Variants in LRRC7 observed in about 807,000 individuals in gnomAD.
The protein encoded by LRRC7 is leucine-rich repeat-containing protein 7.
Under a neutral mutation model 175.7 loss-of-function variants are expected in LRRC7, and 23 were observed. That is an observed-to-expected ratio of 0.13 (90% CI 0.09 to 0.19). The LOEUF (loss-of-function observed/expected upper bound fraction) is 0.19, where lower values mean the gene tolerates loss of function less well. Ranked by LOEUF, LRRC7 falls within the 10% of genes least tolerant of loss-of-function variation. LRRC7 has a pLI of 1.00. For missense variants in LRRC7, 1,354 were observed against 1,904.7 expected (o/e 0.71, Z 5.38); for synonymous variants, 685 against 680.9 (o/e 1.01, Z -0.09).
chr1:69,612,419 G>C lies in LRRC7; in HGVS notation c.2+43778G>C, dbSNP rs574726326. 3.9e-5 allele frequency among the ~76,000 whole-genome samples: 6 copies of C among 152,018 alleles called. No homozygotes were observed. In the South Asian group the frequency reaches 1.2e-3, roughly 32 times the overall value. ...ATGCTGATGAATTAAAGACAATTAG[G>C]TTACTGGACATTCTGCTGTATGCTT... On this transcript the variant is annotated intron_variant, in intron 1 of 26. Transcript: ENST00000651989.
chr1:70,011,937 A>C lies in LRRC7; in HGVS notation c.1134+11A>C, dbSNP rs201561832. The stretch of plus-strand genomic sequence containing the variant: ...GAATTACCCAGAGAAGTGAGAAATA[A>C]ACTTGTTTTCTATTTATTAACTTTT... On this transcript the variant is annotated intron_variant, in intron 12 of 26. Coordinates refer to ENST00000651989, the MANE Select transcript of LRRC7 (RefSeq NM_001370785.2). 641 of 1,590,664 alleles carry C rather than the reference A, an allele frequency of 4.0e-4. 6 individuals carry two copies. Among genetic ancestry groups the C allele is most frequent in the South Asian group, 3.1e-3 (275 of 90,164 alleles).
intron 1 of LRRC7, among the ~76,000 whole-genome samples, chr1:69,645,473 T>A (rs751072081): frequency 1.2e-4 from 19 of 152,030 alleles, no homozygotes; most frequent in Non-Finnish European, 2.4e-4. Context: ...GTTAAGACAC[T>A]TGACCTCCTA....
chr1:69,811,496 A>G (rs750260560), intron 4 of LRRC7, among the ~76,000 whole-genome samples: 1 of 152,158 alleles, frequency 6.6e-6, no homozygotes, highest in Admixed American at 6.6e-5. Context: ...CACTATTCAC[A>G]ATAGCAAAGA....
rs950706148 is a variant in LRRC7 at position 69,997,988 on chromosome 1, C to G, written c.1004+3355C>G. ...TTCAGAAGGAATGGTGCCAGTTCCT[C>G]CTTGTACCTCTGGTAGAATTCGGCT... On this transcript the variant is annotated intron_variant, in intron 11 of 26. Transcript: ENST00000651989. Among the ~76,000 whole-genome samples the G allele has an allele frequency of 3.3e-5, 5 of 152,080 alleles. No individual in the cohort carries two copies. In the South Asian group the frequency reaches 8.3e-4, roughly 25 times the overall value.
At chr1:69,952,702 C>A (rs1650063186) in intron 8 of LRRC7, among the ~76,000 whole-genome samples, 1 of 151,942 alleles carries the variant, frequency 6.6e-6, no homozygotes, top group African/African-American at 2.4e-5. Context: ...ACTAGAACTG[C>A]ATTCTTCATG....
intron 1 of LRRC7, among the ~76,000 whole-genome samples, chr1:69,581,038 G>A (rs1430395187): frequency 2.0e-5 from 3 of 152,136 alleles, no homozygotes; most frequent in African/African-American, 4.8e-5. Flanking sequence ...TGATTGGCAG[G>A]AGGTCAATGT....
At chr1:69,582,076 T>C (rs1006810301) in intron 1 of LRRC7, among the ~76,000 whole-genome samples, 5 of 152,044 alleles carry the variant, frequency 3.3e-5, no homozygotes, top group Non-Finnish European at 7.4e-5. Flanking sequence ...CATCTTCACA[T>C]TTTTTTTCAC....
chr1:69,848,460 T>C (rs1682612664), intron 7 of LRRC7, among the ~76,000 whole-genome samples: 1 of 152,082 alleles, frequency 6.6e-6, no homozygotes, highest in South Asian at 2.1e-4. Context: ...ACCCTGAATT[T>C]CATCAGATAT....
At chr1:70,065,501 G>A (rs1459352477) in intron 23 of LRRC7, among the ~76,000 whole-genome samples, 1 of 151,948 alleles carries the variant, frequency 6.6e-6, no homozygotes, top group Non-Finnish European at 1.5e-5. Flanking sequence ...AAAAATCTAT[G>A]TGAATTATGG....
In LRRC7 at chr1:70,133,190, G is replaced by A. The variant is rs1194167686; in HGVS notation, c.*11303G>A. ...CTTGGCAATTCTCTGGCTTGGGGGA[G>A]CACAGTCCGATTTTTGTTGTTGTCG... On this transcript the variant is annotated 3_prime_UTR_variant, in exon 27 of 27. Coordinates refer to ENST00000651989, the MANE Select transcript of LRRC7 (RefSeq NM_001370785.2). Among the ~76,000 whole-genome samples the A allele has an allele frequency of 6.6e-6, 1 of 151,994 alleles. No individual in the cohort carries two copies. The highest frequency in any genetic ancestry group is 1.9e-4 in the East Asian group (1 of 5,188).
chr1:70,108,997 CTGT>C (rs564914241), intron 26 of LRRC7, among the ~76,000 whole-genome samples: 7 of 151,054 alleles, frequency 4.6e-5, no homozygotes, highest in East Asian at 1.9e-4. Flanking sequence ...GTGTTTTGTT[CTGT>C]TGTTGTTGTT....
intron 22 of LRRC7, among the ~76,000 whole-genome samples, chr1:70,045,959 AT>A (rs1325662350): frequency 1.3e-4 from 20 of 152,264 alleles, no homozygotes; most frequent in Non-Finnish European, 1.2e-4. Flanking sequence ...CATATGGATT[AT>A]TACAATTCAA....
intron 8 of LRRC7, among the ~76,000 whole-genome samples, chr1:69,969,493 G>A (rs1570850167): frequency 6.6e-6 from 1 of 152,108 alleles, no homozygotes; most frequent in East Asian, 1.9e-4. Flanking sequence ...TCTTACATTA[G>A]ACAAAAACTT....
intron 1 of LRRC7, among the ~76,000 whole-genome samples, chr1:69,626,538 T>C (rs746161280): frequency 1.3e-5 from 2 of 151,992 alleles, no homozygotes; most frequent in Non-Finnish European, 2.9e-5. Context: ...TAGACATTTC[T>C]TATAATACTT....
intron 7 of LRRC7, among the ~76,000 whole-genome samples, chr1:69,848,787 G>T (rs1682655161): frequency 6.6e-6 from 1 of 151,972 alleles, no homozygotes; most frequent in African/African-American, 2.4e-5. Context: ...CACAGTTTCT[G>T]TGACATTTAA....
chr1:69,627,125 T>A (rs1298952800), intron 1 of LRRC7, among the ~76,000 whole-genome samples: 3 of 152,162 alleles, frequency 2.0e-5, no homozygotes, highest in Non-Finnish European at 4.4e-5. Context: ...TATTCCTAGT[T>A]CTAGATCCTT....
At chr1:69,959,113 A>G (rs1162903414) in intron 8 of LRRC7, among the ~76,000 whole-genome samples, 1 of 152,090 alleles carries the variant, frequency 6.6e-6, no homozygotes, top group Non-Finnish European at 1.5e-5. Flanking sequence ...AGCATTATTC[A>G]ATCCCTATTT....
intron 5 of LRRC7, among the ~76,000 whole-genome samples, chr1:69,833,258 G>A (rs1680733455): frequency 6.6e-6 from 1 of 152,088 alleles, no homozygotes; most frequent in South Asian, 2.1e-4. Context: ...AAGCCTTGGG[G>A]AAATGTACAC....
At chr1:70,009,112 A>G (rs1331498069) in intron 11 of LRRC7, among the ~76,000 whole-genome samples, 2 of 152,170 alleles carry the variant, frequency 1.3e-5, no homozygotes, top group African/African-American at 4.8e-5. Context: ...TTTATTATAA[A>G]AAAAGAAAAA....
Sources: allele counts gnomAD v4.1 joint callset (sites outside exome capture counted in the v4.1 genomes callset), GRCh38; gene constraint gnomAD v4.1.1; transcripts MANE v1.5; gene names NCBI Gene and HGNC (gene_info 2026-07-23, HGNC 2026-07-21).